The following WDR62 variants were observed in gnomAD, a reference collection of about 807,000 sequenced individuals.
WDR62 encodes WD repeat domain 62.
WDR62 carries 112 observed loss-of-function variants against 160.6 expected under a neutral mutation model. The ratio of observed to expected loss-of-function variants is 0.70; its 90% CI spans 0.60 to 0.82. The LOEUF is 0.82. Ranked by LOEUF, WDR62 falls within the 40% of genes least tolerant of loss-of-function variation. WDR62 has a pLI of 0.00. For synonymous variants in WDR62, 792 were observed against 815.1 expected (o/e 0.97, Z 0.48); for missense variants, 1,819 against 1,983.8 (o/e 0.92, Z 1.58).
At chr19:36,081,284 C>T (rs1278261269) in intron 9 of WDR62, 149 bp from the exon 10 acceptor site, 6 of 956,554 alleles carry the variant, frequency 6.3e-6, no homozygotes, top group Non-Finnish European at 9.8e-6. Context: ...ATTTTGTGTC[C>T]TTTTTTTTTC....
intron 20 of WDR62, 123 bp from the exon 21 acceptor site, chr19:36,096,904 C>T (rs535428492): frequency 4.7e-5 from 39 of 838,244 alleles, no homozygotes; most frequent in African/African-American, 1.0e-4. Flanking sequence ...CCCTAACCCC[C>T]GGTGCTGTTG....
chr19:36,093,414 CAT>C (rs1166712592), intron 19 of WDR62, among the ~76,000 whole-genome samples: 2 of 152,210 alleles, frequency 1.3e-5, no homozygotes, highest in East Asian at 1.9e-4. Flanking sequence ...GCAGAGAACT[CAT>C]GTTCTGGTTT....
intron 9 of WDR62, among the ~76,000 whole-genome samples, chr19:36,076,333 G>C (rs1274333604): frequency 6.6e-6 from 1 of 152,030 alleles, no homozygotes; most frequent in Non-Finnish European, 1.5e-5. Flanking sequence ...TGGGGCAGGG[G>C]AATTACCCGA....
chr19:36,077,846 T>C (rs1971665632), intron 9 of WDR62, among the ~76,000 whole-genome samples: 1 of 152,076 alleles, frequency 6.6e-6, no homozygotes, highest in African/African-American at 2.4e-5. Context: ...TCTGCCCGCC[T>C]CAGCCTCCCA....
chr19:36,100,934 A>G, intron 23 of WDR62, 59 bp downstream of exon 23: 2 of 1,612,344 alleles, frequency 1.2e-6, no homozygotes, highest in Non-Finnish European at 1.7e-6. Flanking sequence ...TGATAGCTGC[A>G]TCCTGGAAGA....
At chr19:36,107,194 T>C (rs149869269), downstream of WDR62, among the ~76,000 whole-genome samples, 2 of 152,300 alleles carry the variant, frequency 1.3e-5, no homozygotes, top group East Asian at 1.9e-4. Context: ...TGCTCTGTTA[T>C]CCTCTGTGAG....
At chr19:36,089,012 T>G (rs1263595388) in intron 13 of WDR62, 26 bp from the exon 14 acceptor site, 3 of 1,613,258 alleles carry the variant, frequency 1.9e-6, no homozygotes, top group Non-Finnish European at 2.5e-6. Context: ...CAGCCCTGCC[T>G]AACACACAGC....
intron 12 of WDR62, among the ~76,000 whole-genome samples, chr19:36,084,951 C>T (rs1647533684): frequency 6.6e-6 from 1 of 152,146 alleles, no homozygotes; most frequent in South Asian, 2.1e-4. Flanking sequence ...CTCAGCTTGA[C>T]TTGCCCGCTG....
intron 11 of WDR62, 69 bp downstream of exon 11, chr19:36,083,310 A>G: frequency 6.7e-7 from 1 of 1,486,626 alleles, no homozygotes; most frequent in Non-Finnish European, 9.2e-7. Context: ...GGCAGTGGGC[A>G]GAAGCCCTGG....
Position 36,091,270 on chromosome 19 carries a change from T to G in WDR62, c.2105T>G (p.Phe702Cys). 7 of 1,613,794 alleles carry G rather than the reference T, an allele frequency of 4.3e-6. No homozygotes were observed. Among genetic ancestry groups the G allele is most frequent in the Non-Finnish European group, 5.9e-6 (7 of 1,180,032 alleles). Residue 702 changes from phenylalanine (F) to cysteine (C), a missense_variant, in exon 17 of 32, where the codon TTT (phenylalanine) becomes TGT (cysteine). Around this residue, in one of 3 missense-constraint regions of WDR62, gnomAD observed 934 missense variants for 1,157.2 expected, o/e 0.81. Coordinates refer to ENST00000401500, the MANE Select transcript of WDR62 (RefSeq NM_001083961.2). Reference sequence around the variant, plus strand: ...GACAAAAGCATCTCAGTGATTGACTTTTACTCGGGCGAGTGCATTGCCAAG... The same window carrying G: ...GACAAAAGCATCTCAGTGATTGACTGTTACTCGGGCGAGTGCATTGCCAAG... ...CSDKSISVID[F>C]YSGECIAKMF...
chr19:36,085,419 T>TTTTTTTTTTTTTTTTTTTG, intron 12 of WDR62, among the ~76,000 whole-genome samples: 1 of 89,108 alleles, frequency 1.1e-5, no homozygotes, highest in African/African-American at 5.5e-5. Flanking sequence ...CTGACCTTTT[T>TTTTTTTTTTTTTTTTTTTG]TTTTTTTTTT....
At chr19:36,081,636 G>A in intron 10 of WDR62, 66 bp downstream of exon 10, 3 of 1,610,298 alleles carry the variant, frequency 1.9e-6, no homozygotes, top group Non-Finnish European at 2.5e-6. Context: ...CTTGAATGCA[G>A]GGGCAGGAGA....
At chr19:36,081,701 G>T (rs993063089) in intron 10 of WDR62, 131 bp downstream of exon 10, 52 of 1,210,512 alleles carry the variant, frequency 4.3e-5, no homozygotes. Flanking sequence ...CGGCAACCAA[G>T]GCAGGTCCCT....
intron 9 of WDR62, among the ~76,000 whole-genome samples, chr19:36,078,126 A>G (rs1251324998): frequency 6.6e-6 from 1 of 151,442 alleles, no homozygotes; most frequent in East Asian, 1.9e-4. Context: ...TACCACTGCT[A>G]TGAACATGTA....
intron 8 of WDR62, among the ~76,000 whole-genome samples, chr19:36,072,343 T>C (rs191478974): frequency 9.9e-5 from 15 of 152,204 alleles, no homozygotes; most frequent in Middle Eastern, 3.4e-3. Context: ...AGTAAGGGAC[T>C]GTGTGGCCAG....
At chr19:36,108,199 C>G (rs1388578923), downstream of WDR62, among the ~76,000 whole-genome samples, 1 of 152,116 alleles carries the variant, frequency 6.6e-6, no homozygotes, top group Non-Finnish European at 1.5e-5. Context: ...GCAGGGCACC[C>G]CATTGTCCAA....
At chr19:36,094,218 G>GTTT (rs1349111951) in intron 20 of WDR62, 54 bp downstream of exon 20, 2 of 1,610,376 alleles carry the variant, frequency 1.2e-6, no homozygotes, top group Non-Finnish European at 1.7e-6. Flanking sequence ...TCATTGCTGG[G>GTTT]TTTTGCCCAT....
intron 2 of WDR62, chr19:36,059,167 T>A: frequency 1.8e-6 from 1 of 547,374 alleles, no homozygotes; most frequent in Non-Finnish European, 3.6e-6. Context: ...AACCTGGATT[T>A]GTGTCCCAGC....
chr19:36,096,225 G>A (rs1972946172), intron 20 of WDR62, among the ~76,000 whole-genome samples: 1 of 151,966 alleles, frequency 6.6e-6, no homozygotes. Context: ...GGAGTAGCTG[G>A]GACCACAGGC....
Sources: gnomAD v4.1 joint callset for allele counts (sites outside exome capture counted in the v4.1 genomes callset) on GRCh38, gnomAD v4.1.1 for gene constraint, gnomAD v4.1.1 regional missense constraint, MANE v1.5 for transcripts, NCBI Gene and HGNC (gene_info 2026-07-23, HGNC 2026-07-21) for gene names.